Variants in ESRRB observed in about 807,000 individuals in gnomAD.
The protein encoded by ESRRB is steroid hormone receptor ERR2.
In ESRRB, 16 loss-of-function variants were observed where a neutral mutation model predicts 46.0. That is an observed-to-expected ratio of 0.35 (90% CI 0.24 to 0.53). The LOEUF is 0.53. ESRRB is among the 20% of genes least tolerant of loss of function. The probability of loss-of-function intolerance (pLI) is 0.93; values close to 1 mark genes in which losing one functional copy is unlikely to be tolerated. For synonymous variants in ESRRB, 246 were observed against 259.6 expected, an observed-to-expected ratio of 0.95 and a Z score of 0.50; for missense variants, 488 against 607.4, an observed-to-expected ratio of 0.80 and a Z score of 2.07.
intron 1 of ESRRB, among the ~76,000 whole-genome samples, chr14:76,424,533 G>A (rs1246980002): frequency 6.6e-6 from 1 of 152,202 alleles, no homozygotes; most frequent in Non-Finnish European, 1.5e-5. Context: ...CTTTGGGAAT[G>A]CACAGGGGGC....
chr14:76,384,990 G>A (rs1287281278), intron 1 of ESRRB, among the ~76,000 whole-genome samples: 1 of 152,086 alleles, frequency 6.6e-6, no homozygotes, highest in Non-Finnish European at 1.5e-5. Context: ...GCGACTCCCA[G>A]ACCTGAAGCC....
Position 76,498,888 on chromosome 14 carries a change from G to C in ESRRB, c.*430G>C, listed in dbSNP as rs1231779382. On this transcript the variant is annotated 3_prime_UTR_variant, in exon 7 of 7. Coordinates refer to ENST00000644823, the MANE Select transcript of ESRRB (RefSeq NM_001379180.1). Reference sequence around the variant, plus strand: ...CACTGCTCAGGCTGGATACCACCTGGAGGTTTTCCTTCCGCAGAGGGCAGG... The same window carrying C: ...CACTGCTCAGGCTGGATACCACCTGCAGGTTTTCCTTCCGCAGAGGGCAGG... 1.9e-6 allele frequency: 1 copy of C among 536,314 alleles called. No homozygotes were observed. Among genetic ancestry groups the C allele is most frequent in the East Asian group, 5.4e-5 (1 of 18,496 alleles). 33.2% of individuals were successfully genotyped at this position (536,314 alleles called of 1,614,324 possible).
At chr14:76,438,061 A>G (rs192176392) in intron 1 of ESRRB, among the ~76,000 whole-genome samples, 18 of 152,154 alleles carry the variant, frequency 1.2e-4, no homozygotes, top group Non-Finnish European at 2.4e-4. Context: ...CAGTGGAGAC[A>G]TGTCTCTTGG....
chr14:76,484,296 G>C (rs1889919383), intron 5 of ESRRB, among the ~76,000 whole-genome samples: 1 of 152,252 alleles, frequency 6.6e-6, no homozygotes, highest in South Asian at 2.1e-4. Context: ...GGCAGGGACT[G>C]CCTGGTGGCC....
intron 3 of ESRRB, among the ~76,000 whole-genome samples, chr14:76,473,469 C>T (rs56293844): frequency 0.1 from 15,481 of 152,292 alleles, 937 homozygotes; most frequent in East Asian, 0.2. Flanking sequence ...CTGTCTGAAC[C>T]TTTCCTGTTG....
At chr14:76,376,069 T>C (rs1884751903), upstream of ESRRB, 1 of 139,956 alleles carries the variant, frequency 7.1e-6, no homozygotes, top group Non-Finnish European at 1.5e-5. This position sits in a 1 kb window ranked among gnomAD's most constrained non-coding sequence, Gnocchi z 4.1. Flanking sequence ...CCCTGAGAGA[T>C]AGCCAATAGG....
chr14:76,314,071 A>G (rs889400294), intron 1 of ESRRB, among the ~76,000 whole-genome samples: 9 of 152,014 alleles, frequency 5.9e-5, no homozygotes, highest in African/African-American at 2.2e-4. Flanking sequence ...TAAACATTCA[A>G]CTCCAAAAGC....
At chr14:76,344,417 C>T (rs546845276) in intron 1 of ESRRB, among the ~76,000 whole-genome samples, 2 of 151,882 alleles carry the variant, frequency 1.3e-5, no homozygotes, top group African/African-American at 4.8e-5. Context: ...TTACCCCTTG[C>T]CCCCCTCCCA....
At chr14:76,389,162 C>T (rs1885366312) in intron 1 of ESRRB, among the ~76,000 whole-genome samples, 1 of 152,174 alleles carries the variant, frequency 6.6e-6, no homozygotes, top group Non-Finnish European at 1.5e-5. Context: ...TCTTGTATTG[C>T]TTCCCCCAAC....
chr14:76,429,679 G>T (rs1281583300), intron 1 of ESRRB, among the ~76,000 whole-genome samples: 1 of 152,180 alleles, frequency 6.6e-6, no homozygotes, highest in African/African-American at 2.4e-5. Context: ...GAACCCGGGA[G>T]GTAGTGGTTG....
intron 3 of ESRRB, among the ~76,000 whole-genome samples, chr14:76,475,601 G>A (rs1246192510): frequency 6.6e-6 from 1 of 152,144 alleles, no homozygotes; most frequent in African/African-American, 2.4e-5. Flanking sequence ...TGGCCATTGT[G>A]ATTATGCTGC....
chr14:76,429,855 G>C (rs1043207228), intron 1 of ESRRB, among the ~76,000 whole-genome samples: 4 of 151,090 alleles, frequency 2.6e-5, no homozygotes, highest in African/African-American at 9.9e-5. Flanking sequence ...TTTTATGTGT[G>C]TGTGTGTGTG....
intron 1 of ESRRB, among the ~76,000 whole-genome samples, chr14:76,386,153 T>A (rs563018529): frequency 6.4e-4 from 97 of 152,282 alleles, no homozygotes; most frequent in African/African-American, 2.3e-3. Flanking sequence ...CACAAGGGGA[T>A]TAAAGAAGGA....
chr14:76,378,404 G>C (rs74457822), intron 1 of ESRRB, among the ~76,000 whole-genome samples: 3,073 of 152,318 alleles, frequency 0.02, 106 homozygotes, highest in African/African-American at 0.071. Context: ...GGAAGTCAGG[G>C]AGCTGAGGTC....
At chr14:76,481,112 GC>G (rs1889789835) in intron 3 of ESRRB, among the ~76,000 whole-genome samples, 2 of 152,220 alleles carry the variant, frequency 1.3e-5, no homozygotes, top group African/African-American at 4.8e-5. Context: ...GCTCTCTGGT[GC>G]TTTTTGTGTT....
At chr14:76,445,296 C>T (rs1308725903) in intron 2 of ESRRB, among the ~76,000 whole-genome samples, 1 of 151,282 alleles carries the variant, frequency 6.6e-6, no homozygotes, top group Non-Finnish European at 1.5e-5. Flanking sequence ...AGGATCAAAC[C>T]CCGTCTCTAC....
In ESRRB at chr14:76,500,197, A is replaced by C. The variant is rs925254139; in HGVS notation, c.*1739A>C. ...CCAGACAGGAGGGAGGGCTGGCTGA[A>C]ATCCACAAACTGCAGAGCAGCTCTC... On this transcript the variant is annotated 3_prime_UTR_variant, in exon 7 of 7. Coordinates refer to ENST00000644823, the MANE Select transcript of ESRRB (RefSeq NM_001379180.1). 1.4e-6 allele frequency: 1 copy of C among 721,480 alleles called. No individual in the cohort carries two copies. Among genetic ancestry groups the C allele is most frequent in the Non-Finnish European group, 2.3e-6 (1 of 435,710 alleles). 44.7% of individuals were successfully genotyped at this position (721,480 alleles called of 1,614,324 possible). A position where few individuals can be genotyped will look rare whatever the true frequency, so the allele number is the denominator to read the frequency against.
chr14:76,421,026 C>T (rs111562459), intron 1 of ESRRB, among the ~76,000 whole-genome samples: 23 of 152,284 alleles, frequency 1.5e-4, no homozygotes, highest in African/African-American at 5.1e-4. Flanking sequence ...CCTTGGGGCC[C>T]GGTGCTGGCC....
At chr14:76,455,014 T>G (rs1888544199) in intron 2 of ESRRB, among the ~76,000 whole-genome samples, 1 of 151,706 alleles carries the variant, frequency 6.6e-6, no homozygotes, top group African/African-American at 2.4e-5. Context: ...GTGAGGAGTT[T>G]GAGACCAGCC....
Sources: gnomAD v4.1 joint callset for allele counts (sites outside exome capture counted in the v4.1 genomes callset) on GRCh38, gnomAD v4.1.1 for gene constraint, Gnocchi (gnomAD v3.1) non-coding constraint, MANE v1.5 for transcripts, NCBI Gene and HGNC (gene_info 2026-07-23, HGNC 2026-07-21) for gene names.